PLCZ1: variants seen among roughly 807,000 people sequenced by gnomAD.
PLCZ1 encodes the protein phospholipase C zeta 1.
PLCZ1 carries 64 observed loss-of-function variants against 76.8 expected under a neutral mutation model. The ratio of observed to expected loss-of-function variants is 0.83; its 90% CI spans 0.68 to 1.03. PLCZ1 has a LOEUF of 1.03. Ranked by LOEUF, PLCZ1 falls within the 50% of genes least tolerant of loss-of-function variation. The pLI is 0.00. For missense variants in PLCZ1, 751 were observed against 713.7 expected, an observed-to-expected ratio of 1.05 and a Z score of -0.60; for synonymous variants, 248 against 230.8, an observed-to-expected ratio of 1.07 and a Z score of -0.68.
chr12:18,705,948 C>T (rs1487725245), intron 6 of PLCZ1, among the ~76,000 whole-genome samples: 5 of 151,312 alleles, frequency 3.3e-5, no homozygotes, highest in Non-Finnish European at 5.9e-5. Flanking sequence ...GAAGGCAGGA[C>T]GAGCATGGTG....
the PLCZ1 span, among the ~76,000 whole-genome samples, chr12:18,674,112 A>C: frequency 6.6e-6 from 1 of 152,226 alleles, no homozygotes; most frequent in African/African-American, 2.4e-5. Flanking sequence ...ATAAAATCGA[A>C]AGACAAAGAA....
chr12:18,650,428 AATTT>A, the PLCZ1 span, among the ~76,000 whole-genome samples: 1 of 144,014 alleles, frequency 6.9e-6, no homozygotes. Context: ...ATTACATAGG[AATTT>A]TTTTAATCTT....
the PLCZ1 span, among the ~76,000 whole-genome samples, chr12:18,654,633 A>C: frequency 6.6e-6 from 1 of 152,218 alleles, no homozygotes; most frequent in African/African-American, 2.4e-5. Context: ...TATTCCAGGT[A>C]AAAGTAAAGC....
chr12:18,658,226 T>C, the PLCZ1 span, among the ~76,000 whole-genome samples: 1 of 152,124 alleles, frequency 6.6e-6, no homozygotes, highest in African/African-American at 2.4e-5. Flanking sequence ...AACATTTGCA[T>C]ATTAGGCATC....
At chr12:18,658,947 C>G in the PLCZ1 span, among the ~76,000 whole-genome samples, 3 of 152,036 alleles carry the variant, frequency 2.0e-5, no homozygotes, top group Non-Finnish European at 4.4e-5. Context: ...CAAATTATCT[C>G]TTTCTATTGG....
At chr12:18,701,350 C>T in intron 9 of PLCZ1, 151 bp downstream of exon 9, 2 of 1,395,108 alleles carry the variant, frequency 1.4e-6, no homozygotes, top group South Asian at 1.4e-5. Context: ...CATCTTCCAC[C>T]ATCGATGTTT....
rs746351999 is a variant in PLCZ1 at position 18,683,263 on chromosome 12, A to T, written c.1803T>A (p.Phe601Leu). The T allele has an allele frequency of 3.1e-6, 5 of 1,612,518 alleles. No individual in the cohort carries two copies. The African/African-American group carries it at 6.7e-5, about 22-fold the overall frequency. Residue 601 changes from phenylalanine to leucine, a missense_variant, in exon 15 of 15, where the codon TTT becomes TTA. Phe to Leu is a conservative substitution (Grantham distance 22, BLOSUM62 0). Transcript: ENST00000266505. ...GTTATCTGACGTACCAAACATAAAC[A>T]AACAGTGAAGCAGGCTCAAGGCTCT... ...MGESLEPASL[F>L]VYVWYVR
chr12:18,659,808 A>G, the PLCZ1 span, among the ~76,000 whole-genome samples: 1 of 152,030 alleles, frequency 6.6e-6, no homozygotes, highest in African/African-American at 2.4e-5. Flanking sequence ...ATATCACCTA[A>G]TGCTAAAATA....
chr12:18,737,323 A>G, intron 2 of PLCZ1, 38 bp downstream of exon 2: 1 of 1,597,546 alleles, frequency 6.3e-7, no homozygotes, highest in Non-Finnish European at 8.6e-7. Context: ...AAGTAGGAGA[A>G]AGAAGAAGAG....
intron 9 of PLCZ1, among the ~76,000 whole-genome samples, 174 bp downstream of exon 9, chr12:18,701,327 A>G (rs781080250): frequency 6.6e-6 from 1 of 152,168 alleles, no homozygotes; most frequent in Non-Finnish European, 1.5e-5. Context: ...GAAAAGAGGC[A>G]ATTTAAAAAA....
chr12:18,684,083 G>T (rs1276491075), intron 14 of PLCZ1, 47 bp downstream of exon 14: 1 of 1,597,182 alleles, frequency 6.3e-7, no homozygotes, highest in South Asian at 1.1e-5. Context: ...ATATACACAA[G>T]TTATATTTAA....
chr12:18,732,390 G>A (rs779639204), intron 3 of PLCZ1, among the ~76,000 whole-genome samples: 14 of 152,230 alleles, frequency 9.2e-5, no homozygotes, highest in East Asian at 3.9e-4. Context: ...GAGCTCAGGC[G>A]ATCTGCCCAA....
chr12:18,727,908 T>C (rs1958843359), intron 3 of PLCZ1, among the ~76,000 whole-genome samples: 1 of 152,114 alleles, frequency 6.6e-6, no homozygotes, highest in African/African-American at 2.4e-5. Context: ...AAGTAGTAAG[T>C]AGTTCAAGAG....
chr12:18,718,716 C>T (rs1163948110), intron 5 of PLCZ1, among the ~76,000 whole-genome samples: 2 of 152,174 alleles, frequency 1.3e-5, no homozygotes, highest in African/African-American at 2.4e-5. Flanking sequence ...CTTTCTATCA[C>T]ATTACCTTAG....
intron 6 of PLCZ1, among the ~76,000 whole-genome samples, chr12:18,706,181 G>A (rs913588768): frequency 4.6e-5 from 7 of 151,536 alleles, no homozygotes; most frequent in Admixed American, 2.0e-4. Flanking sequence ...GCAGTGAGCC[G>A]AGATTGCACC....
At chr12:18,654,414 G>C in the PLCZ1 span, among the ~76,000 whole-genome samples, 2 of 151,808 alleles carry the variant, frequency 1.3e-5, no homozygotes, top group South Asian at 2.1e-4. Context: ...TAAAGTATCA[G>C]CATTATTGTA....
At chr12:18,653,241 A>C in the PLCZ1 span, among the ~76,000 whole-genome samples, 3 of 152,164 alleles carry the variant, frequency 2.0e-5, no homozygotes, top group African/African-American at 7.2e-5. Context: ...TGGATTATTG[A>C]GAAGCCATCA....
chr12:18,670,875 T>C, the PLCZ1 span, among the ~76,000 whole-genome samples: 10 of 152,028 alleles, frequency 6.6e-5, no homozygotes, highest in Non-Finnish European at 1.3e-4. Context: ...ATTGGAAAAA[T>C]TATTTAAGAA....
chr12:18,652,347 G>A, the PLCZ1 span, among the ~76,000 whole-genome samples: 1 of 152,034 alleles, frequency 6.6e-6, no homozygotes, highest in African/African-American at 2.4e-5. Context: ...AAACATGAAG[G>A]TGAATATTAG....
Sources: allele counts gnomAD v4.1 joint callset (sites outside exome capture counted in the v4.1 genomes callset), GRCh38; gene constraint gnomAD v4.1.1; transcripts MANE v1.5; gene names NCBI Gene and HGNC (gene_info 2026-07-23, HGNC 2026-07-21).